Variants in TMPRSS15 observed in about 807,000 individuals in gnomAD.
TMPRSS15 encodes transmembrane serine protease 15, also known as enteropeptidase.
A neutral mutation model predicts 125.3 loss-of-function variants in TMPRSS15; 128 were observed. That is an observed-to-expected ratio of 1.02 (90% confidence interval 0.89 to 1.18). The LOEUF (loss-of-function observed/expected upper bound fraction) is 1.18, where lower values mean the gene tolerates loss of function less well. Among genes scored for constraint, TMPRSS15 ranks in the 50% most tolerant of loss-of-function variants. The pLI, the probability that TMPRSS15 is intolerant of heterozygous loss-of-function variation, is 0.00. For missense variants in TMPRSS15, 1,283 were observed against 1,212.7 expected (o/e 1.06, Z -0.86); for synonymous variants, 446 against 423.2 (o/e 1.05, Z -0.66).
intron 10 of TMPRSS15, among the ~76,000 whole-genome samples, chr21:18,345,529 C>T (rs1159833437): frequency 6.6e-6 from 1 of 150,810 alleles, no homozygotes; most frequent in African/African-American, 2.4e-5. Flanking sequence ...ATCACGAGGT[C>T]AGGAGATCCA....
intron 10 of TMPRSS15, 78 bp downstream of exon 10, chr21:18,352,825 C>G: frequency 7.0e-7 from 1 of 1,429,090 alleles, no homozygotes. Flanking sequence ...TCACTTTACA[C>G]TGCAGTACAA....
Position 18,275,342 on chromosome 21 carries a change from C to G in TMPRSS15, c.2765-6G>C. ...CAATATGTTTGCAGTAGTACCTGCT[C>G]AAAATGGAGAATGCAGCCAGCCAGT... On this transcript the variant is annotated splice_polypyrimidine_tract_variant and splice_region_variant and intron_variant, in intron 23 of 24. Coordinates refer to ENST00000284885, the MANE Select transcript of TMPRSS15 (RefSeq NM_002772.3). The G allele has an allele frequency of 6.2e-7, 1 of 1,613,706 alleles. No homozygotes were observed. Among genetic ancestry groups the G allele is most frequent in the Non-Finnish European group, 8.5e-7 (1 of 1,179,960 alleles).
chr21:18,374,109 TA>T (rs2075817449), intron 5 of TMPRSS15, among the ~76,000 whole-genome samples: 1 of 152,184 alleles, frequency 6.6e-6, no homozygotes, highest in African/African-American at 2.4e-5. Context: ...ATATTTCAAT[TA>T]GTTTTTGATG....
Position 18,341,507 on chromosome 21 carries a change from A to C in TMPRSS15, c.1470T>G (p.Ile490Met). Residue 490 changes from isoleucine (I) to methionine (M), a missense_variant, in exon 13 of 25, where the codon ATT becomes ATG. Transcript: ENST00000284885. The part of the protein sequence containing the change: ...NAFKNKILSD[I>M]ALDDISLTYG... ...ATGTTAGGCTAATGTCATCCAACGC[A>C]ATATCACTCAGGATCTTGTTTTTAA... is the stretch of plus-strand genomic sequence containing the variant. The C allele has an allele frequency of 6.2e-7, 1 of 1,614,170 alleles. No homozygotes were observed. Among genetic ancestry groups the C allele is most frequent in the East Asian group, 2.2e-5 (1 of 44,892 alleles).
intron 16 of TMPRSS15, among the ~76,000 whole-genome samples, chr21:18,324,169 T>C (rs2075267318): frequency 6.6e-6 from 1 of 152,200 alleles, no homozygotes; most frequent in Admixed American, 6.5e-5. Flanking sequence ...ATAATTTTTC[T>C]TTCATTGTAT....
At position 18,269,826 on chromosome 21, in the gene TMPRSS15, G is replaced by T; in HGVS notation, c.*143C>A. The T allele has an allele frequency of 1.0e-6, 1 of 956,570 alleles. No individual in the cohort carries two copies. The highest frequency in any genetic ancestry group is 1.6e-6 in the Non-Finnish European group (1 of 642,672). 59.3% of individuals were successfully genotyped at this position (956,570 alleles called of 1,614,324 possible). A position where few individuals can be genotyped will look rare whatever the true frequency, so the allele number is the denominator to read the frequency against. ...TTATTTTTAAAATTTTGTTTCCCTG[G>T]CCCCCTAGCATTTCATTGACATAGG... On this transcript the variant is annotated 3_prime_UTR_variant, in exon 25 of 25. Transcript: ENST00000284885.
Position 18,332,119 on chromosome 21 carries a change from G to A in TMPRSS15, c.1619C>T (p.Thr540Met), listed in dbSNP as rs778504575. 35 of 1,613,982 alleles carry A rather than the reference G, an allele frequency of 2.2e-5. No homozygotes were observed. Among genetic ancestry groups the A allele is most frequent in the Middle Eastern group, 1.6e-4 (1 of 6,084 alleles). The change falls in exon 14 of 25, where the codon ACG (threonine) becomes ATG (methionine). Residue 540 changes from threonine (T) to methionine (M), a missense_variant. Thr to Met is a moderately conservative substitution (Grantham distance 81). Transcript: ENST00000284885. ...LWEPNTTFSS[T>M]NFPNSYPNLA... is the part of the protein sequence containing the mutation. ...ATTAGGGTAGCTGTTTGGAAAGTTC[G>A]TAGAACTGAATGTTGTATTTGGCTC...
At position 18,317,161 on chromosome 21, in the gene TMPRSS15, G is replaced by A. The variant is rs566792742; in HGVS notation, c.1922-1905C>T. On this transcript the variant is annotated intron_variant, in intron 16 of 24. Transcript: ENST00000284885. ...AACAAATTATAAAAATATCCATGGA[G>A]ACTTTCTGAATTTATGATGACCAAA... Among the ~76,000 whole-genome samples, 3 of 152,142 alleles carry A rather than the reference G, an allele frequency of 2.0e-5. No individual in the cohort carries two copies. In the South Asian group the frequency reaches 6.2e-4, roughly 32 times the overall value.
At position 18,398,294 on chromosome 21, in the gene TMPRSS15, T is replaced by A. The variant is rs751834268; in HGVS notation, c.181A>T (p.Thr61Ser). ...ALGQSHEARA[T>S]FKITSGVTYN... ...GTAACTCCGGATGTTATTTTAAATG[T>A]CGCTCTGGCTTCATGACTCTGTCCA... The change falls in exon 2 of 25, where the codon ACA becomes TCA. Residue 61 changes from threonine (T) to serine (S), a missense_variant. Coordinates refer to ENST00000284885, the MANE Select transcript of TMPRSS15 (RefSeq NM_002772.3). The A allele has an allele frequency of 4.4e-5, 71 of 1,613,788 alleles. 1 individual carries two copies. The South Asian group carries it at 7.7e-4, about 17-fold the overall frequency.
intron 1 of TMPRSS15, among the ~76,000 whole-genome samples, chr21:18,413,345 TTCC>T (rs1188950031): frequency 2.1e-5 from 3 of 141,510 alleles, no homozygotes; most frequent in Admixed American, 7.1e-5. Context: ...CCTTCCTTCC[TTCC>T]TTCCTTCCTT....
At chr21:18,388,165 T>C (rs2075961739) in intron 3 of TMPRSS15, among the ~76,000 whole-genome samples, 1 of 152,274 alleles carries the variant, frequency 6.6e-6, no homozygotes, top group East Asian at 1.9e-4. Context: ...AACTCACTTC[T>C]GATTTAATGG....
At chr21:18,362,871 C>T (rs1258207560) in intron 7 of TMPRSS15, among the ~76,000 whole-genome samples, 2 of 152,070 alleles carry the variant, frequency 1.3e-5, no homozygotes, top group Non-Finnish European at 2.9e-5. Flanking sequence ...ACATCTTGAT[C>T]TGATGATGTG....
intron 3 of TMPRSS15, among the ~76,000 whole-genome samples, chr21:18,388,712 A>G (rs2075966698): frequency 1.3e-5 from 2 of 152,222 alleles, no homozygotes; most frequent in East Asian, 3.8e-4. Flanking sequence ...AAACTAGAAA[A>G]GAGAAATTCG....
chr21:18,396,729 A>G (rs1970047), intron 3 of TMPRSS15, among the ~76,000 whole-genome samples: 43,154 of 147,848 alleles, frequency 0.29, 6,936 homozygotes, highest in Middle Eastern at 0.47. Flanking sequence ...AGCTGAGATC[A>G]CGCCAGTGCA....
At chr21:18,462,930 A>G (rs2122953534) in intron 1 of TMPRSS15, among the ~76,000 whole-genome samples, 4 of 152,152 alleles carry the variant, frequency 2.6e-5, no homozygotes, top group Admixed American at 6.6e-5. Flanking sequence ...AGAATTTTCA[A>G]TCCAGAATTT....
At chr21:18,363,085 A>G (rs758254396) in intron 7 of TMPRSS15, among the ~76,000 whole-genome samples, 1 of 152,160 alleles carries the variant, frequency 6.6e-6, no homozygotes, top group Non-Finnish European at 1.5e-5. Flanking sequence ...TAAACCTTAT[A>G]GAAAAATTAT....
chr21:18,423,704 C>A (rs1463868953), intron 1 of TMPRSS15, among the ~76,000 whole-genome samples: 1 of 127,456 alleles, frequency 7.8e-6, no homozygotes. Context: ...GCCTGAGCCA[C>A]CGCGCCCGGC....
In TMPRSS15 at chr21:18,279,378, T is replaced by C. The variant is rs370954087; in HGVS notation, c.2669-319A>G. 9.2e-4 allele frequency among the ~76,000 whole-genome samples: 121 copies of C among 131,226 alleles called. 3 individuals carry two copies. The highest frequency in any genetic ancestry group is 3.2e-3 in the African/African-American group (114 of 35,524). The allele number at this position is 131,226 out of a possible 152,430, so 86.1% of individuals were successfully genotyped here. A position where few individuals can be genotyped will look rare whatever the true frequency, so the allele number is the denominator to read the frequency against. On this transcript the variant is annotated intron_variant, in intron 22 of 24. Coordinates refer to ENST00000284885, the MANE Select transcript of TMPRSS15 (RefSeq NM_002772.3). ...TCTCACTCGGTCGCCCAGGCTGGAG[T>C]GCAGTGGTGCGATCTCAGCTCACTG... is the stretch of plus-strand genomic sequence containing the variant.
intron 16 of TMPRSS15, among the ~76,000 whole-genome samples, chr21:18,325,946 G>A (rs531921263): frequency 2.6e-5 from 4 of 152,010 alleles, no homozygotes; most frequent in South Asian, 2.1e-4. Flanking sequence ...GGTTGGGCAC[G>A]TCAGCAAATA....
Sources: allele counts gnomAD v4.1 joint callset (sites outside exome capture counted in the v4.1 genomes callset), GRCh38; gene constraint gnomAD v4.1.1; transcripts MANE v1.5; gene names NCBI Gene and HGNC (gene_info 2026-07-23, HGNC 2026-07-21).